The following PRKCH variants were observed in gnomAD, a reference collection of about 807,000 sequenced individuals.
PRKCH encodes the protein protein kinase C eta type.
PRKCH carries 28 observed loss-of-function variants against 82.5 expected under a neutral mutation model. The observed-to-expected ratio is 0.34, with a 90% CI of 0.25 to 0.47. PRKCH has a LOEUF of 0.47. Among genes scored for constraint, PRKCH ranks in the 20% least tolerant of loss-of-function variants. The probability of loss-of-function intolerance (pLI) is 1.00; values close to 1 mark genes in which losing one functional copy is unlikely to be tolerated. For missense variants in PRKCH, 705 were observed against 881.8 expected (o/e 0.80, Z 2.54); for synonymous variants, 322 against 327.4 (o/e 0.98, Z 0.18).
At chr14:61,310,428 C>T (rs368926935) in intron 1 of PRKCH, among the ~76,000 whole-genome samples, 2 of 152,212 alleles carry the variant, frequency 1.3e-5, no homozygotes, top group Non-Finnish European at 1.5e-5. Context: ...TCCAAAATCC[C>T]GCGGGGCAGT....
At chr14:61,238,840 G>A (rs1014792509) in intron 1 of PRKCH, among the ~76,000 whole-genome samples, 2 of 152,260 alleles carry the variant, frequency 1.3e-5, no homozygotes, top group South Asian at 4.1e-4. Context: ...ACTGGGTAAA[G>A]CTTCTCGAAC....
At chr14:61,470,119 C>T (rs1293785201) in intron 9 of PRKCH, among the ~76,000 whole-genome samples, 1 of 151,376 alleles carries the variant, frequency 6.6e-6, no homozygotes, top group Non-Finnish European at 1.5e-5. Context: ...TTGTCTGAAG[C>T]TGCATTTGCA....
At chr14:61,544,354 A>G (rs988419800) in intron 12 of PRKCH, 2 of 152,216 alleles carry the variant, frequency 1.3e-5, no homozygotes, top group Non-Finnish European at 2.9e-5. Flanking sequence ...CTGACTTTTC[A>G]TGTGATGTGA....
At chr14:61,522,297 C>T (rs144851337) in intron 10 of PRKCH, among the ~76,000 whole-genome samples, 2 of 152,244 alleles carry the variant, frequency 1.3e-5, no homozygotes, top group East Asian at 3.9e-4. Flanking sequence ...TGTTCATTCT[C>T]AACTCCTCTG....
At chr14:61,302,265 TG>T (rs2045453633) in intron 1 of PRKCH, among the ~76,000 whole-genome samples, 2 of 152,238 alleles carry the variant, frequency 1.3e-5, no homozygotes, top group African/African-American at 4.8e-5. Context: ...TTATAGGCTG[TG>T]AAGCATATAG....
intron 2 of PRKCH, among the ~76,000 whole-genome samples, chr14:61,401,390 G>A (rs542432340): frequency 1.0e-3 from 152 of 152,230 alleles, no homozygotes; most frequent in African/African-American, 3.3e-3. Flanking sequence ...GAAAAAACTA[G>A]GTGGTGGCTT....
chr14:61,368,610 A>G (rs1566841890), intron 1 of PRKCH, among the ~76,000 whole-genome samples: 1 of 152,130 alleles, frequency 6.6e-6, no homozygotes, highest in South Asian at 2.1e-4. Flanking sequence ...ATTTCCCATC[A>G]GTGAAAACAG....
chr14:61,229,236 T>C (rs533515412), intron 1 of PRKCH, among the ~76,000 whole-genome samples: 14 of 152,320 alleles, frequency 9.2e-5, no homozygotes, highest in African/African-American at 3.4e-4. Context: ...AGAGAAGTTT[T>C]TCATAGTATT....
At chr14:61,223,600 C>G (rs1262393681) in intron 1 of PRKCH, among the ~76,000 whole-genome samples, 1 of 152,218 alleles carries the variant, frequency 6.6e-6, no homozygotes, top group African/African-American at 2.4e-5. Flanking sequence ...CTCCATTAGA[C>G]AGCATGATAT....
intron 1 of PRKCH, among the ~76,000 whole-genome samples, chr14:61,316,066 A>G (rs546996049): frequency 1.3e-5 from 2 of 151,852 alleles, no homozygotes; most frequent in African/African-American, 4.8e-5. Context: ...GTTTTTTTCT[A>G]TGTTGTTTAT....
chr14:61,409,757 TC>T (rs1211605962), intron 2 of PRKCH, among the ~76,000 whole-genome samples: 1 of 147,704 alleles, frequency 6.8e-6, no homozygotes, highest in Non-Finnish European at 1.5e-5. Flanking sequence ...TGTTTCTAGG[TC>T]CCAGGAAAAA....
chr14:61,189,138 TCCCAGCGC>T (rs975044645), intron 1 of PRKCH, among the ~76,000 whole-genome samples: 26 of 152,292 alleles, frequency 1.7e-4, no homozygotes, highest in African/African-American at 5.3e-4. Flanking sequence ...CTCGCAGAGC[TCCCAGCGC>T]CCCAGCGCCC....
Position 61,453,303 on chromosome 14 carries a change from A to C in PRKCH, c.910A>C (p.Lys304Gln). ...TGGGGTAAATGCGGTGGAACTTGCC[A>C]AGACCCTGGCAGGGATGGGTCTCCA... ...NCGVNAVELA[K>Q]TLAGMGLQPG... Residue 304 changes from lysine (K) to glutamine (Q), a missense_variant, in exon 7 of 14, where the codon AAG becomes CAG. Transcript: ENST00000332981. The C allele has an allele frequency of 6.2e-7, 1 of 1,614,164 alleles. No homozygotes were observed.
At chr14:61,263,062 T>C (rs973227293) in intron 1 of PRKCH, among the ~76,000 whole-genome samples, 3 of 152,190 alleles carry the variant, frequency 2.0e-5, no homozygotes, top group African/African-American at 7.2e-5. Context: ...TTTTATTTAG[T>C]TGACTACTTA....
At position 61,280,776 on chromosome 14, in the gene PRKCH, G is replaced by T. The variant is rs777955116; in HGVS notation, c.-19+93108G>T. On this transcript the variant is annotated intron_variant, in intron 1 of 3. Transcript: ENST00000555185. This position sits in a 1 kb window ranked among gnomAD's most constrained non-coding sequence, Gnocchi z 5.0. ...GCTGCGCGTCGTCGCGGGACACGCC[G>T]TAGCGCCGGTTGTTCTGGTAGAAGT... The T allele has an allele frequency of 3.9e-6, 6 of 1,554,580 alleles. No individual in the cohort carries two copies. Among genetic ancestry groups the T allele is most frequent in the Non-Finnish European group, 5.2e-6 (6 of 1,158,916 alleles).
chr14:61,459,569 A>G (rs1418124770), intron 9 of PRKCH, among the ~76,000 whole-genome samples: 1 of 152,222 alleles, frequency 6.6e-6, no homozygotes, highest in Non-Finnish European at 1.5e-5. Context: ...CCTGAGAGCA[A>G]TGGAAAGTCA....
chr14:61,378,576 TC>T lies in PRKCH; in HGVS notation c.364-12647del, dbSNP rs2046456704. Among the ~76,000 whole-genome samples the T allele has an allele frequency of 2.0e-5, 3 of 152,258 alleles. No individual in the cohort carries two copies. In the South Asian group the frequency reaches 6.2e-4, roughly 32 times the overall value. ...CGCATTGGGTTGTAATTTGTGGTGTTCCTCCCTCTCCATCTGAATTTTCAGA... is the reference window on the plus strand; with the variant it reads ...CGCATTGGGTTGTAATTTGTGGTGTTCTCCCTCTCCATCTGAATTTTCAGA... On this transcript the variant is annotated intron_variant, in intron 1 of 13. Transcript: ENST00000332981.
Position 61,453,832 on chromosome 14 carries a change from T to TA in PRKCH, c.960+479_960+480insA, listed in dbSNP as rs370010022. On this transcript the variant is annotated intron_variant, in intron 7 of 13. Coordinates refer to ENST00000332981, the MANE Select transcript of PRKCH (RefSeq NM_006255.5). ...CTATGTCAGGGTAATTTTTTATTTTTTTTTTTGTAGAGATGGAGTCTCACT... is the reference window on the plus strand; with the variant it reads ...CTATGTCAGGGTAATTTTTTATTTTTATTTTTTGTAGAGATGGAGTCTCACT... 1.9e-3 allele frequency among the ~76,000 whole-genome samples: 286 copies of TA among 152,184 alleles called. 3 individuals are homozygous for TA. Among genetic ancestry groups the TA allele is most frequent in the African/African-American group, 6.8e-3 (281 of 41,524 alleles).
intron 10 of PRKCH, among the ~76,000 whole-genome samples, chr14:61,522,736 C>T (rs1460316718): frequency 6.6e-6 from 1 of 152,194 alleles, no homozygotes; most frequent in Non-Finnish European, 1.5e-5. Context: ...TCTGCTTCTC[C>T]CACCAGACAT....
Sources: allele counts gnomAD v4.1 joint callset (sites outside exome capture counted in the v4.1 genomes callset), GRCh38; gene constraint gnomAD v4.1.1; non-coding constraint Gnocchi (gnomAD v3.1); transcripts MANE v1.5; gene names NCBI Gene and HGNC (gene_info 2026-07-23, HGNC 2026-07-21).